Variants in MPDZ observed in about 807,000 individuals in gnomAD.
The protein encoded by MPDZ is multiple PDZ domain crumbs cell polarity complex component, also known as multiple PDZ domain protein.
A neutral mutation model predicts 239.1 loss-of-function variants in MPDZ; 234 were observed. The observed-to-expected ratio is 0.98, with a 90% CI of 0.88 to 1.09. The LOEUF is 1.09. MPDZ is among the 50% of genes least tolerant of loss of function. The probability of loss-of-function intolerance (pLI) is 0.00; values close to 1 mark genes in which losing one functional copy is unlikely to be tolerated. For synonymous variants in MPDZ, 1,048 were observed against 881.3 expected, an observed-to-expected ratio of 1.19 and a Z score of -3.35; for missense variants, 3,175 against 2,510.0, an observed-to-expected ratio of 1.26 and a Z score of -5.66.
chr9:13,255,896 A>C (rs1239779168), intron 1 of MPDZ, among the ~76,000 whole-genome samples: 1 of 152,170 alleles, frequency 6.6e-6, no homozygotes, highest in African/African-American at 2.4e-5. Flanking sequence ...TTAATGAGAG[A>C]GCCTCTTTAA....
At chr9:13,125,496 G>A in intron 34 of MPDZ, 106 bp from the exon 35 acceptor site, 1 of 1,002,454 alleles carries the variant, frequency 1.0e-6, no homozygotes. Context: ...TATGGTTAAG[G>A]GGAGGGACAG....
At chr9:13,248,646 C>T (rs377007545) in intron 2 of MPDZ, among the ~76,000 whole-genome samples, 3 of 151,756 alleles carry the variant, frequency 2.0e-5, no homozygotes, top group African/African-American at 4.8e-5. Context: ...TCTATTTAAA[C>T]GTATTTGCCA....
At chr9:13,179,685 T>C (rs1953014972) in intron 19 of MPDZ, among the ~76,000 whole-genome samples, 2 of 152,170 alleles carry the variant, frequency 1.3e-5, no homozygotes, top group Non-Finnish European at 2.9e-5. Flanking sequence ...AAAGTCTATA[T>C]TAATATGTGA....
intron 46 of MPDZ, among the ~76,000 whole-genome samples, chr9:13,108,631 G>T (rs1246076817): frequency 6.6e-6 from 1 of 151,832 alleles, no homozygotes; most frequent in Non-Finnish European, 1.5e-5. Context: ...TTCAAAAGAC[G>T]ATCATGTGCA....
chr9:13,248,484 C>T (rs568077420), intron 2 of MPDZ, among the ~76,000 whole-genome samples: 8 of 152,106 alleles, frequency 5.3e-5, no homozygotes, highest in East Asian at 1.9e-4. Context: ...AGCATACTTA[C>T]GCCAGACAGT....
chr9:13,144,201 A>G (rs1007321005), intron 26 of MPDZ, among the ~76,000 whole-genome samples: 1 of 152,036 alleles, frequency 6.6e-6, no homozygotes, highest in Non-Finnish European at 1.5e-5. Flanking sequence ...AGGTAGAAAC[A>G]TGGAGATTCA....
At chr9:13,263,444 C>T (rs973520325) in intron 1 of MPDZ, among the ~76,000 whole-genome samples, 4 of 149,834 alleles carry the variant, frequency 2.7e-5, no homozygotes, top group Non-Finnish European at 4.4e-5. Context: ...CTAACTTATT[C>T]GGGAAAAAAT....
At chr9:13,110,852 A>C (rs1189610935) in intron 43 of MPDZ, 112 bp from the exon 44 acceptor site, 185 of 604,084 alleles carry the variant, frequency 3.1e-4, no homozygotes, top group Non-Finnish European at 2.8e-6. Flanking sequence ...ATATACTGCT[A>C]CCAGCCACTG....
At chr9:13,178,381 T>G (rs1442723414) in intron 19 of MPDZ, among the ~76,000 whole-genome samples, 1 of 152,192 alleles carries the variant, frequency 6.6e-6, no homozygotes, top group African/African-American at 2.4e-5. Flanking sequence ...TTTGGCAATC[T>G]GATTTGTAAG....
chr9:13,219,599 A>T lies in MPDZ; in HGVS notation c.1046T>A (p.Ile349Asn). Residue 349 changes from isoleucine (I) to asparagine (N), a missense_variant, in exon 8 of 47, where the codon ATC (isoleucine) becomes AAC (asparagine). By Grantham distance (149) the Ile-to-Asn change is moderately radical. Coordinates refer to ENST00000319217, the MANE Select transcript of MPDZ (RefSeq NM_001378778.1). ...TGAAGTTGGGGATGAGGAGAGGGTG[A>T]TGCCCAAAGCAGTGGGTGCTGTACG... ...EERTAPTALG[I>N]TLSSSPTSTP... 3 of 1,612,346 alleles carry T rather than the reference A, an allele frequency of 1.9e-6. No individual in the cohort carries two copies. Among genetic ancestry groups the T allele is most frequent in the Non-Finnish European group, 2.5e-6 (3 of 1,179,036 alleles).
chr9:13,194,759 G>A (rs1564003334), intron 13 of MPDZ, among the ~76,000 whole-genome samples: 1 of 151,922 alleles, frequency 6.6e-6, no homozygotes, highest in Non-Finnish European at 1.5e-5. Context: ...ACAACAAAAT[G>A]GCTAGTCAAA....
intron 22 of MPDZ, 57 bp downstream of exon 22, chr9:13,168,309 T>A: frequency 6.7e-7 from 1 of 1,492,314 alleles, no homozygotes; most frequent in Non-Finnish European, 9.3e-7. Context: ...AAAAGAATTC[T>A]GATTAATTGA....
chr9:13,250,289 A>G lies in MPDZ; in HGVS notation c.16+11T>C, dbSNP rs772937997. On this transcript the variant is annotated intron_variant, in intron 2 of 46. Coordinates refer to ENST00000319217, the MANE Select transcript of MPDZ (RefSeq NM_001378778.1). Reference sequence around the variant, plus strand: ...TTCTTATAAAAGTAGGCAGAAAAGAATAAGTCTTACCAATGGCTTCCAACA... The same window carrying G: ...TTCTTATAAAAGTAGGCAGAAAAGAGTAAGTCTTACCAATGGCTTCCAACA... 8 of 1,593,728 alleles carry G rather than the reference A, an allele frequency of 5.0e-6. No homozygotes were observed. Among genetic ancestry groups the G allele is most frequent in the South Asian group, 3.4e-5 (3 of 87,592 alleles).
chr9:13,270,094 A>C lies in MPDZ; in HGVS notation c.-58+9306T>G, dbSNP rs115184921. 6.7e-3 allele frequency among the ~76,000 whole-genome samples: 1,020 copies of C among 152,338 alleles called. 14 individuals carry two copies. Among genetic ancestry groups the C allele is most frequent in the African/African-American group, 0.023 (971 of 41,562 alleles). On this transcript the variant is annotated intron_variant, in intron 1 of 46. Coordinates refer to ENST00000319217, the MANE Select transcript of MPDZ (RefSeq NM_001378778.1). ...AGGGCTTATTCTTTCAATGAACGTG[A>C]CTATTTGCTTCTTAATTAACTCATC...
chr9:13,110,827 C>T (rs1942335417), intron 43 of MPDZ, 87 bp from the exon 44 acceptor site: 3 of 834,830 alleles, frequency 3.6e-6, no homozygotes, highest in Non-Finnish European at 3.8e-6. Flanking sequence ...TCCTTCTCCA[C>T]CTTCCACATG....
rs1954481811 is a variant in MPDZ, at chr9:13,188,671, T to A, written c.2364+113A>T. ...CGAATGGAGCTAGTAATCACGTTGA[T>A]GAAAACTACTAAAAGTCACGATTCA... On this transcript the variant is annotated intron_variant, in intron 17 of 46. Transcript: ENST00000319217. 4 of 809,212 alleles carry A rather than the reference T, an allele frequency of 4.9e-6. No homozygotes were observed. In the South Asian group the frequency reaches 1.0e-4, roughly 20 times the overall value. The allele number at this position is 809,212 out of a possible 1,614,324, so 50.1% of individuals were successfully genotyped here.
intron 13 of MPDZ, among the ~76,000 whole-genome samples, chr9:13,195,017 G>C (rs1285353249): frequency 6.6e-6 from 1 of 152,164 alleles, no homozygotes; most frequent in East Asian, 1.9e-4. Flanking sequence ...GCAAGGTGCA[G>C]TGGTGCATGC....
intron 24 of MPDZ, among the ~76,000 whole-genome samples, chr9:13,154,977 G>A (rs1281309193): frequency 1.3e-5 from 2 of 152,174 alleles, no homozygotes; most frequent in African/African-American, 2.4e-5. Context: ...CCAGCACTTT[G>A]GGAAGCCAAG....
intron 3 of MPDZ, among the ~76,000 whole-genome samples, chr9:13,227,848 T>A (rs879766956): frequency 6.6e-6 from 1 of 152,156 alleles, no homozygotes; most frequent in African/African-American, 2.4e-5. Context: ...AGATCACATA[T>A]TTAAAAACTA....
Sources: gnomAD v4.1 joint callset for allele counts (sites outside exome capture counted in the v4.1 genomes callset) on GRCh38, gnomAD v4.1.1 for gene constraint, MANE v1.5 for transcripts, NCBI Gene and HGNC (gene_info 2026-07-23, HGNC 2026-07-21) for gene names.